Variants in ITPR2 observed in about 807,000 individuals in gnomAD.
The protein encoded by ITPR2 is inositol 1,4,5-trisphosphate receptor type 2.
ITPR2 carries 207 observed loss-of-function variants against 317.1 expected under a neutral mutation model. The observed-to-expected ratio is 0.65, with a 90% confidence interval of 0.58 to 0.73. The LOEUF is 0.73. ITPR2 is among the 30% of genes least tolerant of loss of function. The pLI is 0.00. For missense variants in ITPR2, 2,613 were observed against 3,284.0 expected (o/e 0.80, Z 4.99); for synonymous variants, 1,156 against 1,149.1 (o/e 1.01, Z -0.12).
rs375832340 is a variant in ITPR2 at position 26,802,434 on chromosome 12, G to A, written c.93-12207C>T. ...AGGCCGAGGCAGGAGGAGCATTTGA[G>A]CTCAGGAGTTCAAGACCAGCCTGGG... On this transcript the variant is annotated intron_variant, in intron 1 of 56. Transcript: ENST00000381340. Among the ~76,000 whole-genome samples the A allele has an allele frequency of 5.2e-3, 798 of 152,100 alleles. 9 individuals carry two copies. Among genetic ancestry groups the A allele is most frequent in the African/African-American group, 0.018 (756 of 41,502 alleles).
chr12:26,691,582 G>GA (rs1948241804), intron 10 of ITPR2, among the ~76,000 whole-genome samples: 1 of 152,096 alleles, frequency 6.6e-6, no homozygotes, highest in Non-Finnish European at 1.5e-5. Context: ...TGTACATGGA[G>GA]AAAATGCCCC....
intron 2 of ITPR2, among the ~76,000 whole-genome samples, chr12:26,753,861 G>A (rs947166716): frequency 2.0e-5 from 3 of 152,162 alleles, no homozygotes; most frequent in Non-Finnish European, 4.4e-5. Context: ...AAATGGATGA[G>A]GTTTCCCTCT....
At chr12:26,493,719 G>GA (rs929485848) in intron 39 of ITPR2, among the ~76,000 whole-genome samples, 4 of 150,568 alleles carry the variant, frequency 2.7e-5, no homozygotes, top group African/African-American at 7.3e-5. Context: ...AATGATAAAT[G>GA]AAAAAAAAAG....
At position 26,550,211 on chromosome 12, in the gene ITPR2, T is replaced by G. The variant is rs760758379; in HGVS notation, c.5073+36A>C. On this transcript the variant is annotated intron_variant, in intron 37 of 56. Coordinates refer to ENST00000381340, the MANE Select transcript of ITPR2 (RefSeq NM_002223.4). Reference sequence around the variant, plus strand: ...GGTTACAGTATTGGGGAAATCCTACTTTATTTTTAAATAATAAAGTTTTTT... The same window carrying G: ...GGTTACAGTATTGGGGAAATCCTACGTTATTTTTAAATAATAAAGTTTTTT... The G allele has an allele frequency of 1.6e-5, 14 of 876,608 alleles. No individual in the cohort carries two copies. The African/African-American group carries it at 2.4e-4, about 15-fold the overall frequency. The allele number at this position is 876,608 out of a possible 1,614,324, so 54.3% of individuals were successfully genotyped here.
intron 18 of ITPR2, 126 bp from the exon 19 acceptor site, chr12:26,656,674 C>G: frequency 4.3e-6 from 4 of 919,608 alleles, no homozygotes; most frequent in Non-Finnish European, 6.6e-6. Context: ...TGGAGTCAAA[C>G]TCTTGACTGT....
intron 7 of ITPR2, 64 bp from the exon 8 acceptor site, chr12:26,715,509 T>G (rs946204027): frequency 6.8e-7 from 1 of 1,469,820 alleles, no homozygotes. Context: ...TCTTTCTGGT[T>G]TTGCTACTCT....
At chr12:26,347,352 A>G (rs2136552212) in intron 55 of ITPR2, among the ~76,000 whole-genome samples, 1 of 152,346 alleles carries the variant, frequency 6.6e-6, no homozygotes, top group Admixed American at 6.5e-5. Context: ...GTAAGCTATA[A>G]AAAGCAAGAA....
At chr12:26,376,830 G>A (rs1939361683) in intron 55 of ITPR2, among the ~76,000 whole-genome samples, 1 of 151,648 alleles carries the variant, frequency 6.6e-6, no homozygotes, top group Non-Finnish European at 1.5e-5. Context: ...CTGTTCTCAG[G>A]CAATCCTCCT....
intron 35 of ITPR2, among the ~76,000 whole-genome samples, chr12:26,556,745 A>G (rs1944674245): frequency 6.7e-6 from 1 of 150,346 alleles, no homozygotes; most frequent in African/African-American, 2.5e-5. Context: ...CTTTGCAATA[A>G]ATTAGGGGAA....
chr12:26,475,437 A>C lies in ITPR2; in HGVS notation c.6220-19T>G, dbSNP rs751119743. The stretch of plus-strand genomic sequence containing the variant: ...CATCCACCTATCCAAAAAAAAAAAG[A>C]ATATTGAAATGCCAGAAACAACATC... On this transcript the variant is annotated intron_variant, in intron 44 of 56. Transcript: ENST00000381340. 2 of 1,596,744 alleles carry C rather than the reference A, an allele frequency of 1.3e-6. No individual in the cohort carries two copies. Among genetic ancestry groups the C allele is most frequent in the Non-Finnish European group, 1.7e-6 (2 of 1,173,436 alleles).
intron 37 of ITPR2, among the ~76,000 whole-genome samples, chr12:26,545,804 G>A (rs1944380237): frequency 6.6e-6 from 1 of 152,138 alleles, no homozygotes; most frequent in Admixed American, 6.5e-5. Flanking sequence ...CCACTGGCAT[G>A]GATCACTGAG....
In ITPR2 at chr12:26,628,126, A is replaced by C. The variant is rs755151702; in HGVS notation, c.2971T>G (p.Tyr991Asp). ...TCCTTCTTATATATTGACAGCATAT[A>C]TGAGATCCTATAATCCAGTCTGACA... ...LSVRLDYRIS[Y>D]MLSIYKKEFG... Residue 991 changes from tyrosine to aspartate, a missense_variant, in exon 23 of 57, where the codon TAT becomes GAT. Physicochemically the swap from Tyr to Asp is radical, Grantham distance 160. This residue lies in a region of ITPR2 where 817 missense variants were observed against 897.6 expected (regional missense o/e 0.91). Coordinates refer to ENST00000381340, the MANE Select transcript of ITPR2 (RefSeq NM_002223.4). 1.9e-6 allele frequency: 3 copies of C among 1,607,978 alleles called. No individual in the cohort carries two copies. Among genetic ancestry groups the C allele is most frequent in the Non-Finnish European group, 1.7e-6 (2 of 1,175,036 alleles).
In ITPR2 at chr12:26,495,277, C is replaced by CAA; in HGVS notation, c.5074-19_5074-18dup. On this transcript the variant is annotated splice_polypyrimidine_tract_variant and intron_variant, in intron 37 of 56. Transcript: ENST00000381340. ...TGTGTTACCCTAATAAGAAGGATAA[C>CAA]AAAGAGTTACTGTTCCCTTTTCTAA... 2 of 1,321,624 alleles carry CAA rather than the reference C, an allele frequency of 1.5e-6. No individual in the cohort carries two copies. Among genetic ancestry groups the CAA allele is most frequent in the Non-Finnish European group, 2.2e-6 (2 of 922,606 alleles). The allele number at this position is 1,321,624 out of a possible 1,614,324, so 81.9% of individuals were successfully genotyped here.
chr12:26,824,989 T>C (rs7954271), intron 1 of ITPR2, among the ~76,000 whole-genome samples: 29,139 of 152,186 alleles, frequency 0.19, 3,484 homozygotes, highest in Non-Finnish European at 0.28. Context: ...CCCAACACTT[T>C]GGGAAGCCAA....
chr12:26,536,952 A>G (rs558299512), intron 37 of ITPR2, among the ~76,000 whole-genome samples: 3 of 152,304 alleles, frequency 2.0e-5, no homozygotes, highest in Admixed American at 6.5e-5. Context: ...ACAGGGACAA[A>G]AAGCTTCTTC....
chr12:26,439,779 C>T (rs983944565), intron 46 of ITPR2, among the ~76,000 whole-genome samples: 2 of 152,150 alleles, frequency 1.3e-5, no homozygotes, highest in African/African-American at 4.8e-5. Flanking sequence ...TGTCTGAACT[C>T]TACAGAGAAA....
rs1305136417 is a variant in ITPR2, at chr12:26,663,854, G to A, written c.1552-8C>T. The A allele has an allele frequency of 6.3e-7, 1 of 1,594,944 alleles. No homozygotes were observed. Among genetic ancestry groups the A allele is most frequent in the Non-Finnish European group, 8.5e-7 (1 of 1,173,896 alleles). On this transcript the variant is annotated splice_polypyrimidine_tract_variant and splice_region_variant and intron_variant, in intron 14 of 56. Coordinates refer to ENST00000381340, the MANE Select transcript of ITPR2 (RefSeq NM_002223.4). The stretch of plus-strand genomic sequence containing the variant: ...TTTAAGAATTCCAAATACCTATCAG[G>A]AATAAAAACAGCCACCTATTCTGAT...
At chr12:26,744,482 C>G (rs1050300507) in intron 2 of ITPR2, among the ~76,000 whole-genome samples, 1 of 152,222 alleles carries the variant, frequency 6.6e-6, no homozygotes, top group Admixed American at 6.5e-5. Context: ...ACACAGCAAC[C>G]CTTCCCAAGC....
At chr12:26,704,742 T>C (rs1387486827) in intron 9 of ITPR2, among the ~76,000 whole-genome samples, 1 of 152,174 alleles carries the variant, frequency 6.6e-6, no homozygotes, top group Non-Finnish European at 1.5e-5. Context: ...AATAATACTA[T>C]ATAATATACA....
Sources: allele counts gnomAD v4.1 joint callset (sites outside exome capture counted in the v4.1 genomes callset), GRCh38; gene constraint gnomAD v4.1.1; regional missense constraint gnomAD v4.1.1; transcripts MANE v1.5; gene names NCBI Gene and HGNC (gene_info 2026-07-23, HGNC 2026-07-21).